LUC7L: variants seen among roughly 807,000 people sequenced by gnomAD.
LUC7L encodes LUC7 like, also known as putative RNA-binding protein Luc7-like 1.
A neutral mutation model predicts 51.1 loss-of-function variants in LUC7L; 29 were observed. The observed-to-expected ratio is 0.57, with a 90% CI of 0.42 to 0.77. LUC7L has a LOEUF of 0.77. Among genes scored for constraint, LUC7L ranks in the 30% least tolerant of loss-of-function variants. LUC7L has a pLI of 0.00. For missense variants in LUC7L, 403 were observed against 511.9 expected (o/e 0.79, Z 2.05); for synonymous variants, 181 against 180.7 (o/e 1.00, Z -0.01).
In LUC7L at chr16:194,542, C is replaced by T. The variant is rs2049100588; in HGVS notation, c.688-1527G>A. Among the ~76,000 whole-genome samples, 3 of 152,294 alleles carry T rather than the reference C, an allele frequency of 2.0e-5. No homozygotes were observed. In the South Asian group the frequency reaches 6.2e-4, roughly 32 times the overall value. ...GTACAAACTTTATGGTAAAAAAGGA[C>T]GGATGTATCTCATCAAACACATCTT... On this transcript the variant is annotated intron_variant, in intron 6 of 9. Transcript: ENST00000293872.
intron 6 of LUC7L, among the ~76,000 whole-genome samples, chr16:197,620 A>C (rs1441393931): frequency 2.0e-5 from 3 of 152,190 alleles, no homozygotes; most frequent in Non-Finnish European, 4.4e-5. Context: ...ATGTTTCAAG[A>C]CCAGTGGCCG....
intron 5 of LUC7L, 92 bp from the exon 6 acceptor site, chr16:199,330 A>G: frequency 1.2e-6 from 1 of 806,172 alleles, no homozygotes; most frequent in East Asian, 2.5e-5. Context: ...ATAAGATGAC[A>G]GAGGTGACTT....
At chr16:196,906 CTT>C (rs34164641) in intron 6 of LUC7L, among the ~76,000 whole-genome samples, 65 of 122,744 alleles carry the variant, frequency 5.3e-4, no homozygotes, top group African/African-American at 1.3e-3. Context: ...ACTTTTACAT[CTT>C]TTTTTTTTTT....
chr16:190,319 A>T (rs556257778), intron 8 of LUC7L, among the ~76,000 whole-genome samples, 184 bp from the exon 9 acceptor site: 4 of 152,138 alleles, frequency 2.6e-5, no homozygotes, highest in African/African-American at 9.6e-5. Flanking sequence ...AGGTCTCCTG[A>T]AAACATGTGG....
intron 3 of LUC7L, chr16:208,483 A>T (rs1200901095): frequency 6.1e-6 from 3 of 489,278 alleles, no homozygotes; most frequent in East Asian, 1.1e-4. Context: ...TTCTGAGGAA[A>T]ATTAAAACAC....
intron 5 of LUC7L, among the ~76,000 whole-genome samples, chr16:200,642 G>A (rs772514590): frequency 2.0e-5 from 3 of 152,092 alleles, no homozygotes; most frequent in Admixed American, 6.6e-5. Flanking sequence ...AGCACTTTAG[G>A]AGAGTGAAGC....
intron 6 of LUC7L, among the ~76,000 whole-genome samples, chr16:196,344 G>A (rs1282248725): frequency 6.6e-6 from 1 of 151,930 alleles, no homozygotes; most frequent in African/African-American, 2.4e-5. Flanking sequence ...GGAGGTGGAG[G>A]TTACAGTGAG....
chr16:227,476 T>G, intron 1 of LUC7L, 140 bp from the exon 2 acceptor site: 2 of 1,461,130 alleles, frequency 1.4e-6, no homozygotes, highest in Non-Finnish European at 1.8e-6. Context: ...AAAGCTGATC[T>G]AAAGATATTT....
At position 189,127 on chromosome 16, in the gene LUC7L, A is replaced by C; in HGVS notation, c.*71T>G. ...AAACTACAAAAGATGAGTTGTATTC[A>C]GCAAATATAAAGGGTAATTTTAGAC... On this transcript the variant is annotated 3_prime_UTR_variant, in exon 10 of 10. Transcript: ENST00000293872. The C allele has an allele frequency of 1.4e-6, 2 of 1,461,154 alleles. No homozygotes were observed. The highest frequency in any genetic ancestry group is 1.9e-6 in the Non-Finnish European group (2 of 1,073,404). The allele number at this position is 1,461,154 out of a possible 1,614,324, so 90.5% of individuals were successfully genotyped here. A position where few individuals can be genotyped will look rare whatever the true frequency, so the allele number is the denominator to read the frequency against.
Position 196,289 on chromosome 16 carries a change from T to C in LUC7L, c.687+2773A>G, listed in dbSNP as rs535785403. On this transcript the variant is annotated intron_variant, in intron 6 of 9. Coordinates refer to ENST00000293872, the MANE Select transcript of LUC7L (RefSeq NM_201412.3). ...CAGGCATGGTGGTGCACGCCTATAG[T>C]ACCAGCTACTTGGAGGGCTGAGGCA... Among the ~76,000 whole-genome samples the C allele has an allele frequency of 4.1e-4, 62 of 152,054 alleles. No individual in the cohort carries two copies. The South Asian group carries it at 0.011, about 28-fold the overall frequency.
rs1203975 is a variant in LUC7L, at chr16:205,853, T to G, written c.510+151A>C. The G allele has an allele frequency of 2.2e-3, 1,918 of 854,528 alleles. 5 individuals are homozygous for G. Among genetic ancestry groups the G allele is most frequent in the Admixed American group, 3.1e-3 (120 of 38,640 alleles). The allele number at this position is 854,528 out of a possible 1,614,324, so 52.9% of individuals were successfully genotyped here. On this transcript the variant is annotated intron_variant, in intron 5 of 9. Transcript: ENST00000293872. ...ATCCGCCCGCCTCGGCCTTCCAAAG[T>G]GCTGGGATGACAGGCGTGAGCCACT...
At chr16:202,542 A>G (rs2049365229) in intron 5 of LUC7L, among the ~76,000 whole-genome samples, 2 of 152,200 alleles carry the variant, frequency 1.3e-5, no homozygotes, top group Admixed American at 6.6e-5. Context: ...AACTGCCTAT[A>G]GTATTCAGCA....
Position 218,197 on chromosome 16 carries a change from A to G in LUC7L, c.255+2452T>C, listed in dbSNP as rs532346232. Among the ~76,000 whole-genome samples the G allele has an allele frequency of 2.6e-5, 4 of 152,082 alleles. No individual in the cohort carries two copies. The East Asian group carries it at 7.7e-4, about 29-fold the overall frequency. On this transcript the variant is annotated intron_variant, in intron 3 of 9. Coordinates refer to ENST00000293872, the MANE Select transcript of LUC7L (RefSeq NM_201412.3). ...AACAACAGTGACACTCCGTCTCAAA[A>G]AAAAAAAAGGAAGAATTTACTGTAA... is the stretch of plus-strand genomic sequence containing the variant.
chr16:217,759 C>G (rs2049847297), intron 3 of LUC7L, among the ~76,000 whole-genome samples: 1 of 150,594 alleles, frequency 6.6e-6, no homozygotes, highest in Non-Finnish European at 1.5e-5. Context: ...TTACTTGAGG[C>G]CAGGTGCAGT....
rs1380683176 is a variant in LUC7L at position 220,703 on chromosome 16, G to C, written c.201C>G (p.Leu67=). 1 of 1,613,968 alleles carries C rather than the reference G, an allele frequency of 6.2e-7. No homozygotes were observed. Among genetic ancestry groups the C allele is most frequent in the African/African-American group, 1.3e-5 (1 of 74,922 alleles). Residue 67 remains leucine (L), a synonymous_variant, in exon 3 of 10, where the codon CTC becomes CTG. Coordinates refer to ENST00000293872, the MANE Select transcript of LUC7L (RefSeq NM_201412.3). ...GECTKIHDLA[L]RADYEIASKE... ...TACTTGCAATCTCATAATCTGCTCG[G>C]AGGGCCAAGTCGTGGATTTTGGTAC...
At chr16:196,904 A>G (rs1191859333) in intron 6 of LUC7L, among the ~76,000 whole-genome samples, 1 of 134,950 alleles carries the variant, frequency 7.4e-6, no homozygotes, top group Non-Finnish European at 1.6e-5. Flanking sequence ...ATACTTTTAC[A>G]TCTTTTTTTT....
chr16:220,533 A>G (rs1596673523), intron 3 of LUC7L, 116 bp downstream of exon 3: 136 of 758,970 alleles, frequency 1.8e-4, no homozygotes, highest in Non-Finnish European at 6.8e-6. Flanking sequence ...GAGTGGCAGG[A>G]TAACAAGCAA....
chr16:225,673 C>G (rs1202615631), intron 2 of LUC7L, among the ~76,000 whole-genome samples: 2 of 151,118 alleles, frequency 1.3e-5, no homozygotes. Flanking sequence ...TTAATAGAGA[C>G]AGGGTTTATC....
At chr16:201,438 A>C (rs1432511115) in intron 5 of LUC7L, among the ~76,000 whole-genome samples, 2 of 151,586 alleles carry the variant, frequency 1.3e-5, no homozygotes, top group Non-Finnish European at 2.9e-5. Flanking sequence ...TTCCATTTAC[A>C]TAACTTTTTT....
Sources: gnomAD v4.1 joint callset for allele counts (sites outside exome capture counted in the v4.1 genomes callset) on GRCh38, gnomAD v4.1.1 for gene constraint, MANE v1.5 for transcripts, NCBI Gene and HGNC (gene_info 2026-07-23, HGNC 2026-07-21) for gene names.